Variants in SUCLG2 observed in about 807,000 individuals in gnomAD.
The protein encoded by SUCLG2 is succinate-CoA ligase GDP-forming subunit beta.
SUCLG2 carries 42 observed loss-of-function variants against 47.9 expected under a neutral mutation model. That is an observed-to-expected ratio of 0.88 (90% CI 0.69 to 1.14). SUCLG2 has a LOEUF of 1.14. SUCLG2 is among the 50% of genes most tolerant of loss of function. The pLI, the probability that SUCLG2 is intolerant of heterozygous loss-of-function variation, is 0.00. For missense variants in SUCLG2, 571 were observed against 525.9 expected (o/e 1.09, Z -0.84); for synonymous variants, 195 against 197.3 (o/e 0.99, Z 0.10).
At chr3:67,443,720 A>G (rs1316051614) in intron 9 of SUCLG2, among the ~76,000 whole-genome samples, 1 of 88,364 alleles carries the variant, frequency 1.1e-5, no homozygotes, top group African/African-American at 3.7e-5. Flanking sequence ...CTGGGATGTG[A>G]GGAGCGCCTC....
intron 6 of SUCLG2, among the ~76,000 whole-genome samples, chr3:67,514,818 T>A (rs1197146249): frequency 6.6e-6 from 1 of 152,206 alleles, no homozygotes; most frequent in Admixed American, 6.5e-5. Flanking sequence ...CACACTTAGA[T>A]GACCTAAAAA....
At chr3:67,424,779 C>T (rs889660387) in intron 9 of SUCLG2, among the ~76,000 whole-genome samples, 1 of 152,124 alleles carries the variant, frequency 6.6e-6, no homozygotes, top group Non-Finnish European at 1.5e-5. Context: ...AAATGAACTG[C>T]TGCAGGACAA....
intron 9 of SUCLG2, among the ~76,000 whole-genome samples, chr3:67,449,052 T>C (rs754965437): frequency 1.3e-5 from 2 of 152,214 alleles, no homozygotes; most frequent in South Asian, 4.1e-4. Context: ...ATTTACTTTA[T>C]ATAAGTGAGG....
At chr3:67,570,539 G>C (rs1707578664) in intron 2 of SUCLG2, among the ~76,000 whole-genome samples, 1 of 152,142 alleles carries the variant, frequency 6.6e-6, no homozygotes, top group Admixed American at 6.5e-5. Flanking sequence ...TTAGGGGCTG[G>C]GCATGACAGA....
intron 9 of SUCLG2, among the ~76,000 whole-genome samples, chr3:67,490,783 G>A (rs985058299): frequency 2.6e-5 from 4 of 152,080 alleles, no homozygotes; most frequent in African/African-American, 9.7e-5. Context: ...TATAGATGAG[G>A]TAATACAAGT....
chr3:67,509,734 T>A (rs1484756599), intron 6 of SUCLG2, among the ~76,000 whole-genome samples: 4 of 152,090 alleles, frequency 2.6e-5, no homozygotes, highest in Admixed American at 2.6e-4. Context: ...TGGAGAAGAA[T>A]TAGGTATCAG....
chr3:67,566,391 T>C (rs770769389), intron 2 of SUCLG2, among the ~76,000 whole-genome samples: 29 of 152,284 alleles, frequency 1.9e-4, no homozygotes, highest in Admixed American at 5.9e-4. Flanking sequence ...TCATATACCA[T>C]GTTAATGTTA....
At position 67,508,857 on chromosome 3, in the gene SUCLG2, T is replaced by A. The variant is rs781236366; in HGVS notation, c.707A>T (p.Asp236Val). Residue 236 changes from aspartate to valine, a missense_variant, in exon 7 of 11, where the codon GAT (aspartate) becomes GTT (valine). Physicochemically the swap from Asp to Val is radical, Grantham distance 152. Transcript: ENST00000307227. ...TKLYNLFLKIDATQVEVNPFG... is the reference protein window; with the variant it reads ...TKLYNLFLKIVATQVEVNPFG... ...GGGATTCACTTCCACCTGAGTAGCATCAATTTTCAGGAAGAGATTATACAG... is the reference window on the plus strand; with the variant it reads ...GGGATTCACTTCCACCTGAGTAGCAACAATTTTCAGGAAGAGATTATACAG... The A allele has an allele frequency of 1.2e-5, 19 of 1,612,514 alleles. No individual in the cohort carries two copies. The Admixed American group carries it at 1.8e-4, about 16-fold the overall frequency.
chr3:67,405,755 G>C (rs4856861), intron 9 of SUCLG2, among the ~76,000 whole-genome samples: 99,724 of 152,030 alleles, frequency 0.66, 33,082 homozygotes, highest in Middle Eastern at 0.76. Flanking sequence ...GTATTTTTCT[G>C]GGCAAAGTGT....
intron 2 of SUCLG2, among the ~76,000 whole-genome samples, chr3:67,566,795 T>G (rs1707463094): frequency 6.6e-6 from 1 of 152,234 alleles, no homozygotes; most frequent in African/African-American, 2.4e-5. Flanking sequence ...TACAATTACC[T>G]AGGACATTAA....
chr3:67,374,009 T>A (rs532408950), downstream of SUCLG2, among the ~76,000 whole-genome samples: 5 of 152,312 alleles, frequency 3.3e-5, no homozygotes, highest in Admixed American at 3.3e-4. Flanking sequence ...TATCCCCTCC[T>A]CCAAATTGGG....
At chr3:67,639,390 G>A (rs1477176202) in intron 1 of SUCLG2, among the ~76,000 whole-genome samples, 4 of 151,556 alleles carry the variant, frequency 2.6e-5, no homozygotes, top group East Asian at 1.9e-4. Flanking sequence ...CCAGTTGTCC[G>A]AGGCACAAAG....
At chr3:67,414,633 A>C (rs1048691254) in intron 9 of SUCLG2, among the ~76,000 whole-genome samples, 2 of 151,836 alleles carry the variant, frequency 1.3e-5, no homozygotes. Flanking sequence ...TCCTGTTTTC[A>C]AAAGCCAAAA....
chr3:67,456,470 T>C (rs1313596867), intron 9 of SUCLG2, among the ~76,000 whole-genome samples: 2 of 152,134 alleles, frequency 1.3e-5, no homozygotes, highest in East Asian at 3.9e-4. Context: ...ACACACTGAA[T>C]TGAATATAGA....
intron 1 of SUCLG2, among the ~76,000 whole-genome samples, chr3:67,630,788 C>T (rs1020261138): frequency 6.6e-6 from 1 of 152,232 alleles, no homozygotes; most frequent in African/African-American, 2.4e-5. Flanking sequence ...AGTTGAAATA[C>T]AAGGTGAACC....
At chr3:67,460,459 T>C (rs1011506111) in intron 9 of SUCLG2, among the ~76,000 whole-genome samples, 3 of 152,198 alleles carry the variant, frequency 2.0e-5, no homozygotes, top group African/African-American at 7.2e-5. Flanking sequence ...ATTAACTCCA[T>C]TTTATGAAGA....
At chr3:67,541,709 A>G (rs1412882946) in intron 2 of SUCLG2, among the ~76,000 whole-genome samples, 1 of 152,182 alleles carries the variant, frequency 6.6e-6, no homozygotes, top group Non-Finnish European at 1.5e-5. Context: ...CAAGACACAT[A>G]ATTGTCAGAT....
rs180820376 is a variant in SUCLG2, at chr3:67,643,923, C to T, written c.84+10580G>A. On this transcript the variant is annotated intron_variant, in intron 1 of 10. Transcript: ENST00000307227. ...AACTCCTGACCTCAGGTGATCCACC[C>T]ACCTGGGCCTCACAAAGTGCTGGGA... Among the ~76,000 whole-genome samples, 420 of 152,274 alleles carry T rather than the reference C, an allele frequency of 2.8e-3. 3 individuals carry two copies. Among genetic ancestry groups the T allele is most frequent in the African/African-American group, 9.7e-3 (404 of 41,556 alleles).
chr3:67,634,880 A>C (rs567305059), intron 1 of SUCLG2, among the ~76,000 whole-genome samples: 1 of 152,314 alleles, frequency 6.6e-6, no homozygotes, highest in South Asian at 2.1e-4. Context: ...ATGTCATACT[A>C]ACCAATCTTC....
Sources: allele counts gnomAD v4.1 joint callset (sites outside exome capture counted in the v4.1 genomes callset), GRCh38; gene constraint gnomAD v4.1.1; transcripts MANE v1.5; gene names NCBI Gene and HGNC (gene_info 2026-07-23, HGNC 2026-07-21).